AGBL4: variants seen among roughly 807,000 people sequenced by gnomAD.
AGBL4 encodes the protein cytosolic carboxypeptidase 6.
In AGBL4, 58 loss-of-function variants were observed where a neutral mutation model predicts 66.4. The observed-to-expected ratio is 0.87, with a 90% CI of 0.71 to 1.09. AGBL4 has a LOEUF of 1.09. Ranked by LOEUF, AGBL4 falls within the 50% of genes least tolerant of loss-of-function variation. The pLI is 0.00. For missense variants in AGBL4, 579 were observed against 631.0 expected, an observed-to-expected ratio of 0.92 and a Z score of 0.88; for synonymous variants, 234 against 222.9, an observed-to-expected ratio of 1.05 and a Z score of -0.44.
intron 3 of AGBL4, among the ~76,000 whole-genome samples, chr1:49,395,052 A>G (rs931090587): frequency 1.3e-5 from 2 of 152,212 alleles, no homozygotes; most frequent in African/African-American, 2.4e-5. Context: ...ACCTAACTCT[A>G]TAAGCTGAGT....
At chr1:49,018,350 C>T (rs1489453797) in intron 5 of AGBL4, among the ~76,000 whole-genome samples, 1 of 152,068 alleles carries the variant, frequency 6.6e-6, no homozygotes, top group Non-Finnish European at 1.5e-5. Context: ...AGTCAGAGTT[C>T]CCAAGAATAC....
At chr1:49,985,491 T>G (rs1212750733) in intron 1 of AGBL4, among the ~76,000 whole-genome samples, 1 of 152,198 alleles carries the variant, frequency 6.6e-6, no homozygotes, top group East Asian at 1.9e-4. Context: ...AAATCACAAG[T>G]ATAGACTTTC....
At chr1:49,842,574 C>T (rs751553413) in intron 2 of AGBL4, among the ~76,000 whole-genome samples, 4 of 152,108 alleles carry the variant, frequency 2.6e-5, no homozygotes, top group Admixed American at 6.5e-5. Context: ...GTGACGACAC[C>T]AAGTCCTCAT....
At chr1:48,702,355 G>A (rs914342697) in intron 6 of AGBL4, among the ~76,000 whole-genome samples, 2 of 151,764 alleles carry the variant, frequency 1.3e-5, no homozygotes, top group African/African-American at 2.4e-5. Flanking sequence ...GCAATGACAC[G>A]ATCTCTGCTC....
chr1:49,846,144 A>G (rs1479322587), intron 2 of AGBL4: 2 of 1,467,980 alleles, frequency 1.4e-6, no homozygotes, highest in African/African-American at 2.8e-5. Context: ...ATTCATACCA[A>G]GGAAAAGCCC....
At chr1:49,656,841 T>C (rs575614775) in intron 3 of AGBL4, among the ~76,000 whole-genome samples, 2 of 152,320 alleles carry the variant, frequency 1.3e-5, no homozygotes, top group East Asian at 1.9e-4. Flanking sequence ...AAATTCGGCA[T>C]TGATGGGACA....
rs949748723 is a variant in AGBL4, at chr1:49,111,311, A to C, written c.378-65511T>G. ...GTACTTTTAGTAGAGACGAGGTTTC[A>C]CCGTGTTAGCCAGGATGGTCTCAAT... On this transcript the variant is annotated intron_variant, in intron 4 of 13. Coordinates refer to ENST00000371839, the MANE Select transcript of AGBL4 (RefSeq NM_032785.4). Among the ~76,000 whole-genome samples the C allele has an allele frequency of 2.0e-5, 3 of 152,172 alleles. No homozygotes were observed. In the East Asian group the frequency reaches 5.8e-4, roughly 29 times the overall value.
intron 1 of AGBL4, among the ~76,000 whole-genome samples, chr1:49,869,809 G>A (rs760566070): frequency 6.6e-6 from 1 of 152,102 alleles, no homozygotes; most frequent in Non-Finnish European, 1.5e-5. Context: ...AGTTACTAGA[G>A]AACAGGAAGA....
chr1:49,123,740 GT>G (rs534392767), intron 4 of AGBL4, among the ~76,000 whole-genome samples: 12 of 152,232 alleles, frequency 7.9e-5, no homozygotes, highest in South Asian at 2.1e-4. Flanking sequence ...TAAAAGCTGT[GT>G]TTGTCCTAAG....
chr1:49,963,020 C>A (rs1657245186), intron 1 of AGBL4, among the ~76,000 whole-genome samples: 1 of 152,140 alleles, frequency 6.6e-6, no homozygotes, highest in Non-Finnish European at 1.5e-5. Flanking sequence ...GACTGGTTAT[C>A]TTCTGGTTCC....
At chr1:48,577,757 C>T (rs2803274) in intron 11 of AGBL4, among the ~76,000 whole-genome samples, 1 of 151,758 alleles carries the variant, frequency 6.6e-6, no homozygotes, top group Non-Finnish European at 1.5e-5. Flanking sequence ...GATTGCAAAT[C>T]GGTCAAACTA....
intron 6 of AGBL4, among the ~76,000 whole-genome samples, chr1:48,791,947 C>G (rs1057004005): frequency 6.6e-6 from 1 of 152,172 alleles, no homozygotes; most frequent in African/African-American, 2.4e-5. Flanking sequence ...CCTTACCCTG[C>G]AGGAAATAAT....
At chr1:49,952,746 T>A (rs1263414723) in intron 1 of AGBL4, among the ~76,000 whole-genome samples, 2 of 151,792 alleles carry the variant, frequency 1.3e-5, no homozygotes, top group Admixed American at 1.3e-4. Flanking sequence ...CAAATGATGG[T>A]AGAGATTTTT....
chr1:48,865,282 C>T (rs1647928814), intron 6 of AGBL4, among the ~76,000 whole-genome samples: 1 of 152,112 alleles, frequency 6.6e-6, no homozygotes, highest in Non-Finnish European at 1.5e-5. Context: ...ATGGTGCTTC[C>T]TAACCTTTCT....
At chr1:48,954,012 G>T (rs1202923381) in intron 5 of AGBL4, among the ~76,000 whole-genome samples, 6 of 152,198 alleles carry the variant, frequency 3.9e-5, no homozygotes, top group African/African-American at 1.2e-4. Flanking sequence ...TGTTCTAGCT[G>T]CCCCGAGCAG....
intron 3 of AGBL4, among the ~76,000 whole-genome samples, chr1:49,497,881 T>C (rs947923357): frequency 1.3e-5 from 2 of 152,058 alleles, no homozygotes; most frequent in Middle Eastern, 3.2e-3. Flanking sequence ...CACATGAATT[T>C]TAAAATTTGT....
intron 5 of AGBL4, among the ~76,000 whole-genome samples, chr1:48,871,509 G>A (rs1486059561): frequency 6.6e-6 from 1 of 152,078 alleles, no homozygotes; most frequent in Non-Finnish European, 1.5e-5. Flanking sequence ...GACTACTGAA[G>A]GAATGTGGGT....
intron 4 of AGBL4, among the ~76,000 whole-genome samples, chr1:49,233,465 G>A (rs1650483522): frequency 6.6e-6 from 1 of 152,194 alleles, no homozygotes; most frequent in Non-Finnish European, 1.5e-5. Context: ...GCAGAACTGG[G>A]ATACTTGCAA....
In AGBL4 at chr1:49,962,856, G is replaced by A. The variant is rs886163299; in HGVS notation, c.34+60907C>T. ...CTAGTCTAACTCCCTAATCTGACAA[G>A]GGAAGAAAAGTAGGGCTCAGAGAGA... is the stretch of plus-strand genomic sequence containing the variant. On this transcript the variant is annotated intron_variant, in intron 1 of 13. Transcript: ENST00000371839. 9.2e-5 allele frequency among the ~76,000 whole-genome samples: 14 copies of A among 152,082 alleles called. 1 individual carries two copies. Among genetic ancestry groups the A allele is most frequent in the African/African-American group, 3.4e-4 (14 of 41,422 alleles).
Sources: allele counts gnomAD v4.1 joint callset (sites outside exome capture counted in the v4.1 genomes callset), GRCh38; gene constraint gnomAD v4.1.1; transcripts MANE v1.5; gene names NCBI Gene and HGNC (gene_info 2026-07-23, HGNC 2026-07-21).